The following DNAAF4 variants were observed in gnomAD, a reference collection of about 807,000 sequenced individuals.
The protein encoded by DNAAF4 is dynein assembly factor 4, axonemal.
Under a neutral mutation model 51.8 loss-of-function variants are expected in DNAAF4, and 43 were observed. The ratio of observed to expected loss-of-function variants is 0.83; its 90% CI spans 0.65 to 1.07. The LOEUF (loss-of-function observed/expected upper bound fraction) is 1.07, where lower values mean the gene tolerates loss of function less well. Among genes scored for constraint, DNAAF4 ranks in the 50% least tolerant of loss-of-function variants. The pLI, the probability that DNAAF4 is intolerant of heterozygous loss-of-function variation, is 0.00. For missense variants in DNAAF4, 581 were observed against 493.0 expected (o/e 1.18, Z -1.69); for synonymous variants, 194 against 165.6 (o/e 1.17, Z -1.32).
intron 5 of DNAAF4, among the ~76,000 whole-genome samples, chr15:55,459,861 G>T (rs1050835151): frequency 5.3e-5 from 8 of 151,844 alleles, no homozygotes; most frequent in African/African-American, 1.9e-4. Flanking sequence ...GCGCCACCAC[G>T]CCTGGCTAAT....
intron 4 of DNAAF4, among the ~76,000 whole-genome samples, chr15:55,475,767 G>A (rs2141539449): frequency 6.6e-6 from 1 of 152,262 alleles, no homozygotes; most frequent in Admixed American, 6.5e-5. Flanking sequence ...GCTAAAAAGG[G>A]TGGGCTCATT....
downstream of DNAAF4, among the ~76,000 whole-genome samples, chr15:55,425,816 A>G (rs752691515): frequency 6.6e-6 from 1 of 152,156 alleles, no homozygotes; most frequent in Non-Finnish European, 1.5e-5. Context: ...TGTGTTAAAT[A>G]AAATGTATGG....
chr15:55,491,051 G>C (rs2058564582), intron 4 of DNAAF4, 72 bp downstream of exon 4: 1 of 1,562,548 alleles, frequency 6.4e-7, no homozygotes, highest in Non-Finnish European at 8.7e-7. Flanking sequence ...AAGTCCAGCA[G>C]CTGGAACTCA....
At chr15:55,465,697 G>T (rs1201446855) in intron 5 of DNAAF4, among the ~76,000 whole-genome samples, 1 of 151,706 alleles carries the variant, frequency 6.6e-6, no homozygotes, top group Admixed American at 6.6e-5. Flanking sequence ...CTCCTGAGTA[G>T]CTGGGATTAC....
intron 7 of DNAAF4, among the ~76,000 whole-genome samples, chr15:55,422,254 T>A (rs1349562626): frequency 2.0e-5 from 3 of 151,890 alleles, no homozygotes. Flanking sequence ...AAAGGGAAGG[T>A]TTCTGATAAG....
At position 55,506,241 on chromosome 15, in the gene DNAAF4, C is replaced by T. The variant is rs992169801; in HGVS notation, c.-256+1881G>A. 5.9e-5 allele frequency among the ~76,000 whole-genome samples: 9 copies of T among 152,184 alleles called. No homozygotes were observed. In the South Asian group the frequency reaches 8.3e-4, roughly 14 times the overall value. Reference sequence around the variant, plus strand: ...ATATAGAGAAAAAGAAACACAACCCCACAATAAAATGGGCAAATTGGCATA... The same window carrying T: ...ATATAGAGAAAAAGAAACACAACCCTACAATAAAATGGGCAAATTGGCATA... On this transcript the variant is annotated intron_variant, in intron 1 of 9. Transcript: ENST00000321149.
chr15:55,466,377 T>C (rs2141504934), intron 5 of DNAAF4, among the ~76,000 whole-genome samples: 1 of 152,142 alleles, frequency 6.6e-6, no homozygotes, highest in African/African-American at 2.4e-5. Flanking sequence ...TGAGCTCAGA[T>C]CACACCATTG....
chr15:55,503,365 A>G (rs1435646053), intron 1 of DNAAF4, among the ~76,000 whole-genome samples: 1 of 152,214 alleles, frequency 6.6e-6, no homozygotes, highest in Non-Finnish European at 1.5e-5. Flanking sequence ...AGCTGGTACC[A>G]TTCCTTCTGA....
intron 1 of DNAAF4, 153 bp from the exon 2 acceptor site, chr15:55,498,737 C>G (rs2141605857): frequency 6.3e-6 from 1 of 158,298 alleles, no homozygotes; most frequent in East Asian, 1.9e-4. Context: ...GAAACCCCGC[C>G]TCTACTAAAA....
Position 55,498,112 on chromosome 15 carries a change from G to T in DNAAF4, c.123+95C>A, listed in dbSNP as rs3743204. On this transcript the variant is annotated intron_variant, in intron 2 of 9. Transcript: ENST00000321149. ...GGATTAAAAATTTAGGACGTTTATC[G>T]GCAAAGATGAGCCTGTTGCTCGTGC... 366,994 of 1,581,588 alleles carry T rather than the reference G, an allele frequency of 0.23. 50,845 individuals carry two copies. The highest frequency in any genetic ancestry group is 0.66 in the African/African-American group (48,339 of 72,864).
chr15:55,439,527 G>T lies in DNAAF4; in HGVS notation c.838C>A (p.Leu280Ile). Residue 280 changes from leucine to isoleucine, a missense_variant, in exon 7 of 10, where the codon CTT becomes ATT. Coordinates refer to ENST00000321149, the MANE Select transcript of DNAAF4 (RefSeq NM_130810.4). The part of the protein sequence containing the change: ...RRAMNTDIAE[L>I]CDLKEEEKNP... ...TTTTCTTCTTCTTTTAAATCGCAAA[G>T]TTCAGCTATGTCAGTATTCATTGCT... is the stretch of plus-strand genomic sequence containing the variant. 6.2e-7 allele frequency: 1 copy of T among 1,614,038 alleles called. No individual in the cohort carries two copies. The highest frequency in any genetic ancestry group is 1.1e-5 in the South Asian group (1 of 91,078).
At chr15:55,445,075 G>C (rs1228847780) in intron 6 of DNAAF4, among the ~76,000 whole-genome samples, 2 of 141,150 alleles carry the variant, frequency 1.4e-5, no homozygotes, top group African/African-American at 5.3e-5. Flanking sequence ...ATCATTCTTG[G>C]GTGTTTCTCA....
At chr15:55,432,668 G>A (rs2057514756) in intron 8 of DNAAF4, 66 bp from the exon 9 acceptor site, 2 of 1,416,900 alleles carry the variant, frequency 1.4e-6, no homozygotes, top group Admixed American at 3.7e-5. Flanking sequence ...GCAAAAGGCT[G>A]GGCATGGTGG....
chr15:55,421,488 G>A (rs1438001232), intron 7 of DNAAF4, among the ~76,000 whole-genome samples: 1 of 151,944 alleles, frequency 6.6e-6, no homozygotes, highest in Non-Finnish European at 1.5e-5. Flanking sequence ...GAGTGACAGA[G>A]GGAGACTTCA....
chr15:55,474,962 G>A (rs923044988), intron 4 of DNAAF4, among the ~76,000 whole-genome samples: 18 of 152,212 alleles, frequency 1.2e-4, no homozygotes, highest in Admixed American at 7.9e-4. Context: ...CTGGGATACA[G>A]AGACAGACTT....
intron 4 of DNAAF4, among the ~76,000 whole-genome samples, chr15:55,487,032 T>C (rs1391074935): frequency 6.6e-6 from 1 of 152,186 alleles, no homozygotes; most frequent in African/African-American, 2.4e-5. Flanking sequence ...TTTTACACTT[T>C]TGTGGAAAAT....
intron 3 of DNAAF4, among the ~76,000 whole-genome samples, chr15:55,495,509 G>C (rs1475036739): frequency 6.6e-6 from 1 of 152,114 alleles, no homozygotes; most frequent in African/African-American, 2.4e-5. Context: ...GGCCAAAGTG[G>C]GAGGATCACT....
At chr15:55,487,188 T>C (rs1435692778) in intron 4 of DNAAF4, among the ~76,000 whole-genome samples, 2 of 152,202 alleles carry the variant, frequency 1.3e-5, no homozygotes, top group Non-Finnish European at 2.9e-5. Flanking sequence ...ATCAGCACTC[T>C]GTAAAAATGC....
chr15:55,493,205 G>C (rs2058597470), intron 3 of DNAAF4, among the ~76,000 whole-genome samples: 2 of 152,132 alleles, frequency 1.3e-5, no homozygotes, highest in Admixed American at 6.6e-5. Flanking sequence ...GGACTTCCCA[G>C]CCTACAGGAG....
Sources: gnomAD v4.1 joint callset for allele counts (sites outside exome capture counted in the v4.1 genomes callset) on GRCh38, gnomAD v4.1.1 for gene constraint, MANE v1.5 for transcripts, NCBI Gene and HGNC (gene_info 2026-07-23, HGNC 2026-07-21) for gene names.